The following SMC2 variants were observed in gnomAD, a reference collection of about 807,000 sequenced individuals.
SMC2 encodes structural maintenance of chromosomes 2.
In SMC2, 41 loss-of-function variants were observed where a neutral mutation model predicts 142.6. The observed-to-expected ratio is 0.29, with a 90% confidence interval of 0.22 to 0.37. The LOEUF is 0.37. Ranked by LOEUF, SMC2 falls within the 10% of genes least tolerant of loss-of-function variation. The pLI is 1.00. For synonymous variants in SMC2, 463 were observed against 457.5 expected (o/e 1.01, Z -0.15); for missense variants, 1,265 against 1,373.7 (o/e 0.92, Z 1.25).
At chr9:104,110,145 C>T (rs1292954617) in intron 9 of SMC2, among the ~76,000 whole-genome samples, 1 of 152,082 alleles carries the variant, frequency 6.6e-6, no homozygotes, top group Non-Finnish European at 1.5e-5. Context: ...ACGTTTAATG[C>T]AGTACCATAA....
chr9:104,137,611 C>T (rs776818341), intron 23 of SMC2, among the ~76,000 whole-genome samples: 9 of 152,028 alleles, frequency 5.9e-5, no homozygotes, highest in Non-Finnish European at 8.8e-5. Context: ...AAAATGACAT[C>T]TAACTCAGTT....
chr9:104,091,753 A>G, upstream of SMC2, among the ~76,000 whole-genome samples: 1 of 152,320 alleles, frequency 6.6e-6, no homozygotes, highest in East Asian at 1.9e-4. Context: ...CTCTAAAATT[A>G]GAAAAGTATA....
chr9:104,118,285 G>A lies in SMC2; in HGVS notation c.1906G>A (p.Ala636Thr). The A allele has an allele frequency of 6.2e-7, 1 of 1,613,614 alleles. No individual in the cohort carries two copies. ...ATTTGTTTGTGACAATATGGATAAT[G>A]CCAAAAAAGTGGCCTTTGATAAGAG... ...TTFVCDNMDN[A>T]KKVAFDKRIM... Residue 636 changes from alanine (A) to threonine (T), a missense_variant, in exon 15 of 25, where the codon GCC (alanine) becomes ACC (threonine). Around this residue, in one of 4 missense-constraint regions of SMC2, gnomAD observed 898 missense variants for 904.2 expected, o/e 0.99. Transcript: ENST00000374793.
chr9:104,123,093 TTC>T lies in SMC2; in HGVS notation c.2133-13_2133-12del, dbSNP rs776527883. ...AAAATGACAGTCATTTCTTACATGTTTCTGTTTTTGTAAGGTATCGCCAACTA... is the reference window on the plus strand; with the variant it reads ...AAAATGACAGTCATTTCTTACATGTTTGTTTTTGTAAGGTATCGCCAACTA... On this transcript the variant is annotated splice_polypyrimidine_tract_variant and intron_variant, in intron 16 of 24. Coordinates refer to ENST00000374793, the MANE Select transcript of SMC2 (RefSeq NM_006444.3). 6.3e-6 allele frequency: 10 copies of T among 1,593,086 alleles called. No individual in the cohort carries two copies. Among genetic ancestry groups the T allele is most frequent in the Non-Finnish European group, 6.8e-6 (8 of 1,172,962 alleles).
At chr9:104,094,604 G>A in intron 1 of SMC2, 127 bp downstream of exon 1, 1 of 379,134 alleles carries the variant, frequency 2.6e-6, no homozygotes, top group Non-Finnish European at 4.7e-6. Context: ...AGGGACCTTA[G>A]GTGATCCTTA....
chr9:104,117,414 A>C (rs1833243693), intron 14 of SMC2, among the ~76,000 whole-genome samples: 1 of 152,198 alleles, frequency 6.6e-6, no homozygotes, highest in Non-Finnish European at 1.5e-5. Context: ...AGAGATGCTT[A>C]GTTTTTCTTA....
intron 3 of SMC2, among the ~76,000 whole-genome samples, chr9:104,097,554 C>A (rs1394330974): frequency 6.8e-6 from 1 of 147,770 alleles, no homozygotes; most frequent in Non-Finnish European, 1.5e-5. Context: ...AGGACAGAAT[C>A]CTGTTCCATG....
chr9:104,094,017 G>C (rs1284440848), upstream of SMC2, among the ~76,000 whole-genome samples: 1 of 152,220 alleles, frequency 6.6e-6, no homozygotes, highest in Non-Finnish European at 1.5e-5. Flanking sequence ...ACGCGAACTA[G>C]AGGGACCGAG....
chr9:104,118,068 ATTAT>A (rs1833330501), intron 14 of SMC2, 99 bp from the exon 15 acceptor site: 2 of 812,050 alleles, frequency 2.5e-6, no homozygotes, highest in South Asian at 4.1e-5. Context: ...CTAGGTAAGT[ATTAT>A]TTAAGTTTCT....
At chr9:104,114,497 A>G (rs1251625056) in intron 12 of SMC2, among the ~76,000 whole-genome samples, 194 bp from the exon 13 acceptor site, 1 of 152,232 alleles carries the variant, frequency 6.6e-6, no homozygotes, top group Non-Finnish European at 1.5e-5. Flanking sequence ...ATACTGAAAG[A>G]TCTATTGTGA....
In SMC2 at chr9:104,139,328, TTTC is replaced by T. The variant is rs757684112; in HGVS notation, c.*17_*19del. ...TGTGGAAGTTTAAACTACAAAGTTA[TTTC>T]TTCATCTTGACCTGTTTTTTTAAAT... On this transcript the variant is annotated 3_prime_UTR_variant, in exon 25 of 25. Transcript: ENST00000374793. 13 of 1,559,720 alleles carry T rather than the reference TTTC, an allele frequency of 8.3e-6. No individual in the cohort carries two copies. The highest frequency in any genetic ancestry group is 9.5e-6 in the Non-Finnish European group (11 of 1,162,320).
Position 104,118,395 on chromosome 9 carries a change from CTCCT to C in SMC2, c.1996+21_1996+24del. The C allele has an allele frequency of 6.3e-7, 1 of 1,589,760 alleles. No individual in the cohort carries two copies. The highest frequency in any genetic ancestry group is 8.6e-7 in the Non-Finnish European group (1 of 1,161,242). ...GTGGAGGTAAGTTTTATATCCTTTT[CTCCT>C]CACAATTCTTTGTGGTAAATAGGAA... On this transcript the variant is annotated intron_variant, in intron 15 of 24. Coordinates refer to ENST00000374793, the MANE Select transcript of SMC2 (RefSeq NM_006444.3).
At chr9:104,113,126 C>CTT (rs1832679105) in intron 10 of SMC2, among the ~76,000 whole-genome samples, 190 bp from the exon 11 acceptor site, 2 of 152,062 alleles carry the variant, frequency 1.3e-5, no homozygotes, top group South Asian at 4.1e-4. Context: ...TTAGTTTATA[C>CTT]TTTGAGTAGT....
rs774232669 is a variant in SMC2, at chr9:104,127,274, T to G, written c.2596-12T>G. ...ACCTCACCACATATTTTCTTTAATT[T>G]TTTTGTTTTAGGAGTCAGTAAATAA... On this transcript the variant is annotated splice_polypyrimidine_tract_variant and intron_variant, in intron 19 of 24. Coordinates refer to ENST00000374793, the MANE Select transcript of SMC2 (RefSeq NM_006444.3). 5.9e-6 allele frequency: 9 copies of G among 1,535,814 alleles called. No individual in the cohort carries two copies. The highest frequency in any genetic ancestry group is 7.9e-6 in the Non-Finnish European group (9 of 1,141,620).
chr9:104,136,043 G>GTGAT (rs1487745579), intron 23 of SMC2: 2 of 417,318 alleles, frequency 4.8e-6, no homozygotes, highest in African/African-American at 2.1e-5. Flanking sequence ...AATCAGCATA[G>GTGAT]TGATAGAAAC....
At chr9:104,095,652 T>C (rs1344829697) in intron 2 of SMC2, 100 bp downstream of exon 2, 2 of 927,940 alleles carry the variant, frequency 2.2e-6, no homozygotes, top group African/African-American at 3.3e-5. Flanking sequence ...TGTGTTTTTA[T>C]ACTTTTTGTA....
At position 104,126,695 on chromosome 9, in the gene SMC2, TACAA is replaced by T. The variant is rs1361861917; in HGVS notation, c.2511_2514del (p.Lys837AsnfsTer6). On this transcript the variant is annotated frameshift_variant, in exon 19 of 25. Coordinates refer to ENST00000374793, the MANE Select transcript of SMC2 (RefSeq NM_006444.3). LOFTEE classifies it high-confidence loss of function. Reference sequence around the variant, plus strand: ...AGAGCTCAAGAGAGAGCATACATCTTACAAACAACAGCTTGAAGCTGTAAATGAA... The same window carrying T: ...AGAGCTCAAGAGAGAGCATACATCTTACAACAGCTTGAAGCTGTAAATGAA... 6.2e-7 allele frequency: 1 copy of T among 1,612,756 alleles called. No individual in the cohort carries two copies. Among genetic ancestry groups the T allele is most frequent in the Non-Finnish European group, 8.5e-7 (1 of 1,179,590 alleles).
intron 13 of SMC2, among the ~76,000 whole-genome samples, chr9:104,115,890 A>G (rs1169221976): frequency 6.6e-6 from 1 of 151,378 alleles, no homozygotes; most frequent in Non-Finnish European, 1.5e-5. Flanking sequence ...GATAACCACT[A>G]TCCTACTCTT....
At chr9:104,120,239 A>C in intron 16 of SMC2, 77 bp downstream of exon 16, 3 of 1,299,534 alleles carry the variant, frequency 2.3e-6, no homozygotes, top group Non-Finnish European at 3.1e-6. Context: ...TTATTTCAAG[A>C]AATACAGCTT....
Sources: gnomAD v4.1 joint callset for allele counts (sites outside exome capture counted in the v4.1 genomes callset) on GRCh38, gnomAD v4.1.1 for gene constraint, gnomAD v4.1.1 regional missense constraint, MANE v1.5 for transcripts, NCBI Gene and HGNC (gene_info 2026-07-23, HGNC 2026-07-21) for gene names.